SLCO6A1: variants seen among roughly 807,000 people sequenced by gnomAD.
SLCO6A1 encodes the protein cancer/testis antigen 48.
A neutral mutation model predicts 72.7 loss-of-function variants in SLCO6A1; 65 were observed. The ratio of observed to expected loss-of-function variants is 0.89; its 90% CI spans 0.73 to 1.10. The LOEUF (loss-of-function observed/expected upper bound fraction) is 1.10. SLCO6A1 is among the 50% of genes least tolerant of loss of function. The pLI, the probability that SLCO6A1 is intolerant of heterozygous loss-of-function variation, is 0.00. For synonymous variants in SLCO6A1, 314 were observed against 298.2 expected (o/e 1.05, Z -0.55); for missense variants, 874 against 872.6 (o/e 1.00, Z -0.02).
chr5:102,417,602 C>T (rs1748357700), intron 8 of SLCO6A1, among the ~76,000 whole-genome samples: 1 of 152,102 alleles, frequency 6.6e-6, no homozygotes, highest in South Asian at 2.1e-4. Flanking sequence ...ACCCATATTA[C>T]ATATTTTTCT....
At chr5:102,380,015 G>C (rs78565652) in intron 12 of SLCO6A1, among the ~76,000 whole-genome samples, 3,560 of 151,596 alleles carry the variant, frequency 0.023, 141 homozygotes, top group African/African-American at 0.082. Context: ...ATTTTAATTT[G>C]GTTGCATCTG....
intron 1 of SLCO6A1, among the ~76,000 whole-genome samples, chr5:102,498,151 A>T (rs770046685): frequency 6.6e-6 from 1 of 151,708 alleles, no homozygotes; most frequent in African/African-American, 2.4e-5. Flanking sequence ...ATCTTTAAAA[A>T]CTCTGATCCC....
At chr5:102,427,432 C>A (rs556043623) in intron 7 of SLCO6A1, among the ~76,000 whole-genome samples, 1 of 152,172 alleles carries the variant, frequency 6.6e-6, no homozygotes, top group East Asian at 1.9e-4. Flanking sequence ...GAAAATGATA[C>A]TTTACCTCTG....
chr5:102,485,301 A>T (rs540404188), intron 1 of SLCO6A1, among the ~76,000 whole-genome samples: 22 of 151,496 alleles, frequency 1.5e-4, no homozygotes, highest in Non-Finnish European at 2.7e-4. Flanking sequence ...AATAAAATAA[A>T]ATAAAAGGCC....
intron 7 of SLCO6A1, among the ~76,000 whole-genome samples, chr5:102,423,072 T>G (rs1412558309): frequency 6.6e-6 from 1 of 152,112 alleles, no homozygotes; most frequent in Non-Finnish European, 1.5e-5. Context: ...GACAAGCAAA[T>G]GTTGAAGGAT....
At chr5:102,381,386 G>A (rs1746096838) in intron 12 of SLCO6A1, among the ~76,000 whole-genome samples, 1 of 151,622 alleles carries the variant, frequency 6.6e-6, no homozygotes, top group South Asian at 2.1e-4. Flanking sequence ...CACCCACATT[G>A]TTGCAAAAGA....
chr5:102,474,571 A>G (rs1751798203), intron 4 of SLCO6A1, among the ~76,000 whole-genome samples: 1 of 152,078 alleles, frequency 6.6e-6, no homozygotes, highest in African/African-American at 2.4e-5. Context: ...AAAACAGACA[A>G]ATGCACTACA....
intron 7 of SLCO6A1, among the ~76,000 whole-genome samples, chr5:102,424,888 G>A (rs970041899): frequency 2.6e-5 from 4 of 151,722 alleles, no homozygotes; most frequent in Non-Finnish European, 5.9e-5. Context: ...CTGGCAAACC[G>A]AATCAAGCAG....
At chr5:102,490,354 A>G (rs1175445845) in intron 1 of SLCO6A1, among the ~76,000 whole-genome samples, 1 of 152,272 alleles carries the variant, frequency 6.6e-6, no homozygotes, top group East Asian at 1.9e-4. Flanking sequence ...ACTACATTTT[A>G]TCCCATATGT....
Position 102,373,510 on chromosome 5 carries a change from G to A in SLCO6A1, c.2018-16C>T. ...CAAAGAAAACCTAAATTTAAAAAAT[G>A]CAATGATCAGATATGTCCATGTATT... On this transcript the variant is annotated splice_polypyrimidine_tract_variant and intron_variant, in intron 12 of 13. Transcript: ENST00000506729. The A allele has an allele frequency of 6.9e-7, 1 of 1,442,618 alleles. No individual in the cohort carries two copies. Among genetic ancestry groups the A allele is most frequent in the Non-Finnish European group, 9.1e-7 (1 of 1,094,922 alleles). 89.4% of individuals were successfully genotyped at this position (1,442,618 alleles called of 1,614,324 possible).
At chr5:102,462,485 TG>T (rs1250895878) in intron 4 of SLCO6A1, among the ~76,000 whole-genome samples, 2 of 152,164 alleles carry the variant, frequency 1.3e-5, no homozygotes, top group Non-Finnish European at 2.9e-5. Flanking sequence ...GACTTCAAAA[TG>T]TACTACAAGG....
chr5:102,478,702 A>G (rs1752037378), intron 2 of SLCO6A1, among the ~76,000 whole-genome samples: 1 of 152,192 alleles, frequency 6.6e-6, no homozygotes, highest in African/African-American at 2.4e-5. Flanking sequence ...TGTTAGATCC[A>G]GGCAATACTA....
chr5:102,431,562 G>T (rs920069752), intron 7 of SLCO6A1, among the ~76,000 whole-genome samples: 3 of 152,056 alleles, frequency 2.0e-5, no homozygotes, highest in African/African-American at 7.2e-5. Context: ...AATTAGTCTT[G>T]ATTTCTATTT....
chr5:102,470,232 T>C (rs981507604), intron 4 of SLCO6A1, among the ~76,000 whole-genome samples: 4 of 152,196 alleles, frequency 2.6e-5, no homozygotes, highest in Non-Finnish European at 5.9e-5. Context: ...TCAGAAGGAA[T>C]GGTACCAGCT....
intron 12 of SLCO6A1, among the ~76,000 whole-genome samples, chr5:102,375,038 T>A (rs987946821): frequency 2.0e-5 from 3 of 152,124 alleles, no homozygotes; most frequent in Admixed American, 6.6e-5. Context: ...ATTTTCTATA[T>A]TGGATGGGGG....
chr5:102,410,385 T>G (rs1405777442), intron 9 of SLCO6A1, among the ~76,000 whole-genome samples: 1 of 152,282 alleles, frequency 6.6e-6, no homozygotes, highest in Non-Finnish European at 1.5e-5. Flanking sequence ...GGGGAGGTAG[T>G]GCATGCTGAT....
intron 4 of SLCO6A1, among the ~76,000 whole-genome samples, chr5:102,475,007 A>G (rs1037264326): frequency 6.6e-6 from 1 of 152,096 alleles, no homozygotes; most frequent in Non-Finnish European, 1.5e-5. Context: ...GTCGTTATAA[A>G]AAACAGTATA....
intron 4 of SLCO6A1, among the ~76,000 whole-genome samples, chr5:102,467,629 G>T (rs1597772): frequency 5.3e-5 from 8 of 151,948 alleles, no homozygotes; most frequent in African/African-American, 1.9e-4. Context: ...CAGCCAAACC[G>T]TATCAGTGGC....
At chr5:102,476,841 A>C (rs1751925187) in intron 3 of SLCO6A1, among the ~76,000 whole-genome samples, 1 of 152,028 alleles carries the variant, frequency 6.6e-6, no homozygotes, top group Non-Finnish European at 1.5e-5. Context: ...CACCTTCGCA[A>C]TAAGTATATA....
Sources: gnomAD v4.1 joint callset for allele counts (sites outside exome capture counted in the v4.1 genomes callset) on GRCh38, gnomAD v4.1.1 for gene constraint, MANE v1.5 for transcripts, NCBI Gene and HGNC (gene_info 2026-07-23, HGNC 2026-07-21) for gene names.